The following CCDC81 variants were observed in gnomAD, a reference collection of about 807,000 sequenced individuals.
CCDC81 encodes coiled-coil domain-containing protein 81.
CCDC81 carries 79 observed loss-of-function variants against 83.7 expected under a neutral mutation model. The ratio of observed to expected loss-of-function variants is 0.94; its 90% CI spans 0.79 to 1.14. The LOEUF is 1.14. Ranked by LOEUF, CCDC81 falls within the 50% of genes most tolerant of loss-of-function variation. The pLI is 0.00. For synonymous variants in CCDC81, 252 were observed against 278.1 expected (o/e 0.91, Z 0.93); for missense variants, 791 against 778.1 (o/e 1.02, Z -0.20).
intron 5 of CCDC81, among the ~76,000 whole-genome samples, chr11:86,395,661 C>T (rs1213317736): frequency 6.6e-6 from 1 of 152,224 alleles, no homozygotes; most frequent in East Asian, 1.9e-4. Context: ...TGCTCTGTCA[C>T]CCAGGCTGGA....
At chr11:86,417,233 C>T in intron 13 of CCDC81, among the ~76,000 whole-genome samples, 1 of 40,462 alleles carries the variant, frequency 2.5e-5, no homozygotes, top group South Asian at 1.1e-3. Flanking sequence ...ACAGAGATTG[C>T]CTCAAAAAAA....
At chr11:86,407,462 C>G (rs1256854740) in intron 7 of CCDC81, 152 bp from the exon 8 acceptor site, 1 of 548,534 alleles carries the variant, frequency 1.8e-6, no homozygotes, top group Non-Finnish European at 3.2e-6. Context: ...AATTCAGATT[C>G]TGTGGTACAT....
At position 86,399,392 on chromosome 11, in the gene CCDC81, T is replaced by C. The variant is rs982382509; in HGVS notation, c.758-1286T>C. Reference sequence around the variant, plus strand: ...GGTGGAGTGCACTGTCTTGGCTCACTGCAGCCTCAACCTCTTGGGCTCAGG... The same window carrying C: ...GGTGGAGTGCACTGTCTTGGCTCACCGCAGCCTCAACCTCTTGGGCTCAGG... On this transcript the variant is annotated intron_variant, in intron 6 of 14. Transcript: ENST00000445632. Among the ~76,000 whole-genome samples, 5 of 152,314 alleles carry C rather than the reference T, an allele frequency of 3.3e-5. No individual in the cohort carries two copies. In the East Asian group the frequency reaches 9.7e-4, roughly 29 times the overall value.
intron 1 of CCDC81, among the ~76,000 whole-genome samples, chr11:86,383,206 A>C (rs904455380): frequency 1.3e-5 from 2 of 152,204 alleles, no homozygotes; most frequent in African/African-American, 4.8e-5. Flanking sequence ...GGAAGCAGGA[A>C]GGCTGTGGGT....
intron 8 of CCDC81, 47 bp downstream of exon 8, chr11:86,407,748 T>C: frequency 3.5e-6 from 5 of 1,428,974 alleles, no homozygotes; most frequent in South Asian, 2.4e-5. Flanking sequence ...CTTATACTGA[T>C]TTTTGTTTCT....
chr11:86,390,720 A>G lies in CCDC81; in HGVS notation c.299-1821A>G, dbSNP rs189773338. On this transcript the variant is annotated intron_variant, in intron 3 of 14. Transcript: ENST00000445632. ...GGTAGGAAGAGGAAGGAAGGCGTTT[A>G]GTATGACTCAGATTTCTTGGTTGGA... Among the ~76,000 whole-genome samples, 26 of 152,294 alleles carry G rather than the reference A, an allele frequency of 1.7e-4. No individual in the cohort carries two copies. In the Middle Eastern group the frequency reaches 0.017, roughly 100 times the overall value.
chr11:86,417,810 C>T (rs997850582), intron 13 of CCDC81, among the ~76,000 whole-genome samples: 4 of 151,062 alleles, frequency 2.6e-5, no homozygotes, highest in African/African-American at 4.9e-5. Flanking sequence ...TGCAGTGGTG[C>T]GATCTTGGCT....
Position 86,394,064 on chromosome 11 carries a change from C to G in CCDC81, c.555+1267C>G, listed in dbSNP as rs1321055457. Among the ~76,000 whole-genome samples the G allele has an allele frequency of 2.0e-5, 3 of 152,310 alleles. No homozygotes were observed. In the South Asian group the frequency reaches 6.2e-4, roughly 32 times the overall value. On this transcript the variant is annotated intron_variant, in intron 4 of 14. Transcript: ENST00000445632. ...AGGATTGCTAAGAGGATTGCCAACCCTGTGTGTGGAAAGTGGGAAACACAT... is the reference window on the plus strand; with the variant it reads ...AGGATTGCTAAGAGGATTGCCAACCGTGTGTGTGGAAAGTGGGAAACACAT...
chr11:86,392,874 GA>G (rs1948352899), intron 4 of CCDC81, 77 bp downstream of exon 4: 1 of 1,440,144 alleles, frequency 6.9e-7, no homozygotes, highest in Non-Finnish European at 9.2e-7. Context: ...TTGTAATTAA[GA>G]AAAACGAAGG....
Position 86,415,294 on chromosome 11 carries a change from C to T in CCDC81, c.1672C>T (p.Leu558Phe). The change falls in exon 13 of 15, where the codon CTT becomes TTT. Residue 558 changes from leucine (L) to phenylalanine (F), a missense_variant. Coordinates refer to ENST00000445632, the MANE Select transcript of CCDC81 (RefSeq NM_001156474.2). ...GGACCAGAGGCGGGATTTGCAAATG[C>T]TTCAGAGGACACAAAGAGAGTAAGG... ...LVDQRRDLQMLQRTQREHLAD... is the reference protein window; with the variant it reads ...LVDQRRDLQMFQRTQREHLAD... 6.2e-7 allele frequency: 1 copy of T among 1,613,952 alleles called. No individual in the cohort carries two copies. The highest frequency in any genetic ancestry group is 1.1e-5 in the South Asian group (1 of 91,060).
At chr11:86,377,138 C>G (rs1215730721) in intron 1 of CCDC81, among the ~76,000 whole-genome samples, 1 of 150,900 alleles carries the variant, frequency 6.6e-6, no homozygotes, top group Non-Finnish European at 1.5e-5. Context: ...CTTTTTAGTT[C>G]TGAATAATAT....
At chr11:86,407,034 T>C (rs1048598961) in intron 7 of CCDC81, among the ~76,000 whole-genome samples, 17 of 152,190 alleles carry the variant, frequency 1.1e-4, no homozygotes, top group African/African-American at 3.9e-4. Context: ...ATCTACACTG[T>C]TGTTCTCTTA....
chr11:86,393,063 GT>G (rs1306339499), intron 4 of CCDC81, among the ~76,000 whole-genome samples: 1 of 152,056 alleles, frequency 6.6e-6, no homozygotes, highest in African/African-American at 2.4e-5. Context: ...TACCTTATAG[GT>G]TTTTTGTTTG....
chr11:86,393,223 C>T (rs942792078), intron 4 of CCDC81, among the ~76,000 whole-genome samples: 1 of 152,072 alleles, frequency 6.6e-6, no homozygotes. Context: ...CCACCATGCC[C>T]AGCTAATTTT....
rs763563308 is a variant in CCDC81 at position 86,395,339 on chromosome 11, T to C, written c.561T>C (p.Pro187=). Residue 187 remains proline, a synonymous_variant, in exon 5 of 15, where the codon CCT becomes CCC. Coordinates refer to ENST00000445632, the MANE Select transcript of CCDC81 (RefSeq NM_001156474.2). ...GALAKALANR[P]GTVDSVLSSR... Reference sequence around the variant, plus strand: ...GCTCTGTTGCTGTCCTCTAGAGGCCTGGCACTGTGGACTCGGTGTTGTCTA... The same window carrying C: ...GCTCTGTTGCTGTCCTCTAGAGGCCCGGCACTGTGGACTCGGTGTTGTCTA... 6.2e-7 allele frequency: 1 copy of C among 1,614,004 alleles called. No individual in the cohort carries two copies. The highest frequency in any genetic ancestry group is 2.2e-5 in the East Asian group (1 of 44,882).
At chr11:86,411,312 C>T (rs958771193) in intron 10 of CCDC81, among the ~76,000 whole-genome samples, 3 of 152,114 alleles carry the variant, frequency 2.0e-5, no homozygotes, top group South Asian at 2.1e-4. Flanking sequence ...GTATGGAACA[C>T]GGGTCTCCCT....
In CCDC81 at chr11:86,408,147, G is replaced by T; in HGVS notation, c.990G>T (p.Leu330Phe). ...KAGQEMCYVCLQRAQRNSLLY... is the reference protein window; with the variant it reads ...KAGQEMCYVCFQRAQRNSLLY... The stretch of plus-strand genomic sequence containing the variant: ...TGTAGGAAATGTGCTATGTATGTTT[G>T]CAACGAGCACAACGAAATTCCCTGT... Residue 330 changes from leucine to phenylalanine, a missense_variant, in exon 9 of 15, where the codon TTG becomes TTT. Physicochemically the swap from Leu to Phe is conservative, Grantham distance 22 (BLOSUM62 0). Coordinates refer to ENST00000445632, the MANE Select transcript of CCDC81 (RefSeq NM_001156474.2). The T allele has an allele frequency of 6.2e-7, 1 of 1,612,704 alleles. No homozygotes were observed. The highest frequency in any genetic ancestry group is 8.5e-7 in the Non-Finnish European group (1 of 1,179,716).
At chr11:86,397,588 G>A in intron 5 of CCDC81, 33 bp from the exon 6 acceptor site, 2 of 1,596,208 alleles carry the variant, frequency 1.3e-6, no homozygotes, top group South Asian at 2.3e-5. Context: ...TTCAGGTTCA[G>A]TGCAGCAGAA....
At position 86,422,977 on chromosome 11, in the gene CCDC81, A is replaced by G; in HGVS notation, c.*262A>G. 1 of 382,434 alleles carries G rather than the reference A, an allele frequency of 2.6e-6. No homozygotes were observed. Among genetic ancestry groups the G allele is most frequent in the Non-Finnish European group, 4.7e-6 (1 of 212,010 alleles). The allele number at this position is 382,434 out of a possible 1,614,324, so 23.7% of individuals were successfully genotyped here. A position where few individuals can be genotyped will look rare whatever the true frequency, so the allele number is the denominator to read the frequency against. On this transcript the variant is annotated 3_prime_UTR_variant, in exon 15 of 15. Coordinates refer to ENST00000445632, the MANE Select transcript of CCDC81 (RefSeq NM_001156474.2). ...TAGAACCTGCTGCACAGGGGCTGGG[A>G]ATGGGATCCAGCTTCATTATGGCTG...
Sources: gnomAD v4.1 joint callset for allele counts (sites outside exome capture counted in the v4.1 genomes callset) on GRCh38, gnomAD v4.1.1 for gene constraint, MANE v1.5 for transcripts, NCBI Gene and HGNC (gene_info 2026-07-23, HGNC 2026-07-21) for gene names.